PCDH7: variants seen among roughly 807,000 people sequenced by gnomAD.
The protein encoded by PCDH7 is protocadherin-7.
A neutral mutation model predicts 58.9 loss-of-function variants in PCDH7; 17 were observed. The observed-to-expected ratio is 0.29, with a 90% CI of 0.20 to 0.43. The LOEUF is 0.43. Among genes scored for constraint, PCDH7 ranks in the 20% least tolerant of loss-of-function variants. The pLI is 1.00. For missense variants in PCDH7, 1,274 were observed against 1,441.0 expected, an observed-to-expected ratio of 0.88 and a Z score of 1.88; for synonymous variants, 664 against 616.4, an observed-to-expected ratio of 1.08 and a Z score of -1.14.
intron 3 of PCDH7, among the ~76,000 whole-genome samples, chr4:31,129,894 T>C (rs1333364470): frequency 1.3e-5 from 2 of 151,780 alleles, no homozygotes; most frequent in African/African-American, 4.9e-5. Flanking sequence ...TCCCAAAGTG[T>C]TGGGATTACA....
intron 1 of PCDH7, among the ~76,000 whole-genome samples, chr4:30,745,023 T>G (rs978436336): frequency 2.6e-5 from 4 of 152,210 alleles, no homozygotes; most frequent in African/African-American, 9.6e-5. Flanking sequence ...GATGGAACTT[T>G]TGCCATCATC....
chr4:30,780,996 A>G (rs1722704696), intron 1 of PCDH7, among the ~76,000 whole-genome samples: 1 of 152,198 alleles, frequency 6.6e-6, no homozygotes, highest in East Asian at 1.9e-4. Context: ...GAGCCAAGTA[A>G]GTAAAACTAT....
chr4:31,111,629 A>G (rs1275378670), intron 3 of PCDH7, among the ~76,000 whole-genome samples: 1 of 152,184 alleles, frequency 6.6e-6, no homozygotes, highest in African/African-American at 2.4e-5. Context: ...TATAACAACA[A>G]CACTCAGAGG....
intron 1 of PCDH7, among the ~76,000 whole-genome samples, chr4:30,783,542 TAATAAA>T (rs1304255700): frequency 6.6e-6 from 1 of 152,240 alleles, no homozygotes; most frequent in Non-Finnish European, 1.5e-5. Flanking sequence ...GAAGCATACC[TAATAAA>T]AATAAGAAGA....
intron 3 of PCDH7, among the ~76,000 whole-genome samples, chr4:30,964,246 A>ATTT (rs1403767312): frequency 3.8e-3 from 185 of 48,982 alleles, no homozygotes; most frequent in East Asian, 0.037. Flanking sequence ...TTATTTATTT[A>ATTT]TTTATTTTTT....
intron 1 of PCDH7, among the ~76,000 whole-genome samples, chr4:30,901,125 C>A (rs905606721): frequency 1.3e-5 from 2 of 152,072 alleles, no homozygotes; most frequent in African/African-American, 4.8e-5. Context: ...AAACAACACC[C>A]AGCCATTTTC....
intron 1 of PCDH7, among the ~76,000 whole-genome samples, chr4:30,852,667 C>A (rs1480437146): frequency 6.6e-6 from 1 of 151,592 alleles, no homozygotes; most frequent in Non-Finnish European, 1.5e-5. Flanking sequence ...TGCACATGAG[C>A]CTCTTATTTA....
chr4:30,896,057 G>A (rs555475953), intron 1 of PCDH7, among the ~76,000 whole-genome samples: 1 of 152,272 alleles, frequency 6.6e-6, no homozygotes, highest in South Asian at 2.1e-4. Flanking sequence ...ACCCTGAGGA[G>A]GTGGAGGGGT....
chr4:31,091,294 C>T (rs1713213838), intron 3 of PCDH7, among the ~76,000 whole-genome samples: 1 of 151,830 alleles, frequency 6.6e-6, no homozygotes. Context: ...GCATTTTTAG[C>T]ATTCATATAC....
chr4:30,905,902 T>C (rs1315212281), intron 1 of PCDH7, among the ~76,000 whole-genome samples: 1 of 152,162 alleles, frequency 6.6e-6, no homozygotes, highest in African/African-American at 2.4e-5. Flanking sequence ...TTACACACAG[T>C]AGGAATTCAA....
chr4:30,796,754 T>G (rs762380178), intron 1 of PCDH7, among the ~76,000 whole-genome samples: 1 of 152,216 alleles, frequency 6.6e-6, no homozygotes, highest in Admixed American at 6.5e-5. Flanking sequence ...TTTCCCACTT[T>G]ACTTTCTGTT....
At chr4:30,897,180 A>T (rs756230831) in intron 1 of PCDH7, among the ~76,000 whole-genome samples, 1 of 151,914 alleles carries the variant, frequency 6.6e-6, no homozygotes, top group South Asian at 2.1e-4. Context: ...CTGGGATTAC[A>T]GGCGTGAGCC....
intron 3 of PCDH7, among the ~76,000 whole-genome samples, chr4:31,078,132 C>T (rs941338821): frequency 6.6e-6 from 1 of 152,124 alleles, no homozygotes; most frequent in African/African-American, 2.4e-5. Context: ...AGCGCATCTT[C>T]AGAAAGTGGA....
rs146560902 is a variant in PCDH7, at chr4:30,847,947, C to T, written c.71-72206C>T. ...TAAAGGTAGACTATTAACTATAAAA[C>T]GATTTTCAAGAGAAAAGTCTAAACT... On this transcript the variant is annotated intron_variant, in intron 1 of 3. Transcript: ENST00000509759. Among the ~76,000 whole-genome samples, 349 of 152,116 alleles carry T rather than the reference C, an allele frequency of 2.3e-3. 1 individual carries two copies. The highest frequency in any genetic ancestry group is 7.2e-3 in the African/African-American group (299 of 41,522).
chr4:30,807,849 T>A (rs940610640), intron 1 of PCDH7, among the ~76,000 whole-genome samples: 61 of 152,332 alleles, frequency 4.0e-4, no homozygotes, highest in African/African-American at 1.4e-3. Flanking sequence ...AATTATTTCA[T>A]AAATTCTAAA....
At chr4:30,898,205 AT>A (rs1158131267) in intron 1 of PCDH7, among the ~76,000 whole-genome samples, 3 of 152,076 alleles carry the variant, frequency 2.0e-5, no homozygotes, top group Admixed American at 2.0e-4. Flanking sequence ...AGGGGCCTTT[AT>A]TTTTTTATTT....
chr4:30,957,706 T>C (rs1241707374), intron 3 of PCDH7, among the ~76,000 whole-genome samples: 1 of 152,176 alleles, frequency 6.6e-6, no homozygotes, highest in Non-Finnish European at 1.5e-5. Context: ...GGACACTGCA[T>C]ATCGAATGTC....
chr4:31,138,634 G>C (rs1256266906), intron 3 of PCDH7, among the ~76,000 whole-genome samples: 1 of 152,124 alleles, frequency 6.6e-6, no homozygotes, highest in Non-Finnish European at 1.5e-5. Context: ...TTAAAGAGAT[G>C]AACTTCATGT....
In PCDH7 at chr4:31,040,083, T is replaced by C. The variant is rs183123270; in HGVS notation, c.*7+89868T>C. ...TGTTTTACTTTAATTAAATCAACTT[T>C]ATTGAAATAATGTGCATAATTTACA... On this transcript the variant is annotated intron_variant, in intron 3 of 3. Coordinates refer to the PCDH7 transcript ENST00000509759. Among the ~76,000 whole-genome samples the C allele has an allele frequency of 4.6e-5, 7 of 152,332 alleles. No homozygotes were observed. The South Asian group carries it at 8.3e-4, about 18-fold the overall frequency.
Sources: gnomAD v4.1 joint callset for allele counts (sites outside exome capture counted in the v4.1 genomes callset) on GRCh38, gnomAD v4.1.1 for gene constraint, MANE v1.5 for transcripts, NCBI Gene and HGNC (gene_info 2026-07-23, HGNC 2026-07-21) for gene names.